Variants in MLF1 observed in about 807,000 individuals in gnomAD.
MLF1 encodes the protein myelodysplasia-myeloid leukemia factor 1.
In MLF1, 37 loss-of-function variants were observed where a neutral mutation model predicts 38.3. That is an observed-to-expected ratio of 0.96 (90% CI 0.74 to 1.27). The LOEUF (loss-of-function observed/expected upper bound fraction) is 1.27, where lower values mean the gene tolerates loss of function less well. Ranked by LOEUF, MLF1 falls within the 50% of genes most tolerant of loss-of-function variation. The pLI is 0.00. For synonymous variants in MLF1, 95 were observed against 106.5 expected (o/e 0.89, Z 0.66); for missense variants, 331 against 349.2 (o/e 0.95, Z 0.42).
chr3:158,590,065 T>G (rs1159402782), intron 1 of MLF1, among the ~76,000 whole-genome samples: 2 of 152,176 alleles, frequency 1.3e-5, no homozygotes, highest in Non-Finnish European at 2.9e-5. Context: ...GATTCATGGT[T>G]GTGTGGCTGA....
chr3:158,571,575 G>A (rs957217240), intron 1 of MLF1, among the ~76,000 whole-genome samples: 1 of 141,978 alleles, frequency 7.0e-6, no homozygotes, highest in African/African-American at 2.7e-5. Context: ...GTGGAGAGAG[G>A]AGGGTTTGGA....
intron 1 of MLF1, among the ~76,000 whole-genome samples, chr3:158,584,103 G>A (rs374776896): frequency 1.2e-4 from 19 of 152,156 alleles, no homozygotes; most frequent in African/African-American, 2.4e-4. Context: ...AAAACTGTTC[G>A]AAGACCTTTA....
intron 1 of MLF1, 31 bp from the exon 2 acceptor site, chr3:158,592,403 A>C: frequency 6.3e-7 from 1 of 1,575,104 alleles, no homozygotes; most frequent in African/African-American, 1.4e-5. Context: ...TCCAACACTG[A>C]ATCTTTCATG....
chr3:158,593,284 T>A (rs1718425227), intron 2 of MLF1, 98 bp from the exon 3 acceptor site: 9 of 886,592 alleles, frequency 1.0e-5, no homozygotes, highest in South Asian at 3.8e-5. Flanking sequence ...GCAATTGAAA[T>A]GTAGCAATTT....
intron 1 of MLF1, among the ~76,000 whole-genome samples, chr3:158,579,596 C>A (rs1716016927): frequency 6.6e-6 from 1 of 151,938 alleles, no homozygotes; most frequent in Non-Finnish European, 1.5e-5. Flanking sequence ...AAAGAAAAAC[C>A]CAGGCAAATT....
At chr3:158,595,678 C>A (rs1718779983) in intron 3 of MLF1, among the ~76,000 whole-genome samples, 1 of 151,940 alleles carries the variant, frequency 6.6e-6, no homozygotes, top group Admixed American at 6.6e-5. Context: ...CTAAATGTGC[C>A]TTTGTTGTTC....
At chr3:158,577,402 G>A (rs1169475349) in intron 1 of MLF1, among the ~76,000 whole-genome samples, 2 of 152,148 alleles carry the variant, frequency 1.3e-5, no homozygotes, top group Non-Finnish European at 2.9e-5. Context: ...TCATAGCTTG[G>A]CTCTAGTTAA....
intron 1 of MLF1, among the ~76,000 whole-genome samples, chr3:158,575,353 A>C (rs983203127): frequency 7.2e-5 from 11 of 152,306 alleles, no homozygotes; most frequent in Admixed American, 3.9e-4. Flanking sequence ...CCACCATATT[A>C]CAGTTAATTT....
chr3:158,584,810 G>A (rs1009492774), intron 1 of MLF1, among the ~76,000 whole-genome samples: 15 of 151,820 alleles, frequency 9.9e-5, no homozygotes, highest in Admixed American at 2.6e-4. Flanking sequence ...TGGGCCACAC[G>A]TAAAATACAC....
chr3:158,594,285 T>C (rs771780733), intron 3 of MLF1, among the ~76,000 whole-genome samples: 32 of 151,974 alleles, frequency 2.1e-4, no homozygotes, highest in Non-Finnish European at 3.8e-4. Context: ...ACTTTAAGGA[T>C]TAGTAGAAGT....
chr3:158,603,375 T>G (rs190375221), intron 7 of MLF1, among the ~76,000 whole-genome samples: 22 of 152,344 alleles, frequency 1.4e-4, no homozygotes, highest in African/African-American at 5.3e-4. Context: ...AATTTAGCAT[T>G]TAATAGTAAA....
chr3:158,586,453 G>A (rs1262112262), intron 1 of MLF1, among the ~76,000 whole-genome samples: 1 of 152,120 alleles, frequency 6.6e-6, no homozygotes, highest in Non-Finnish European at 1.5e-5. Context: ...GTTTAAGTTT[G>A]AGTGTGAAAT....
chr3:158,579,051 T>G (rs1715925673), intron 1 of MLF1, among the ~76,000 whole-genome samples: 1 of 152,172 alleles, frequency 6.6e-6, no homozygotes, highest in Non-Finnish European at 1.5e-5. Context: ...AGCATATTTC[T>G]CACATAAATC....
At chr3:158,600,267 TA>T in intron 6 of MLF1, 94 bp downstream of exon 6, 1 of 696,948 alleles carries the variant, frequency 1.4e-6, no homozygotes, top group Non-Finnish European at 2.1e-6. Context: ...TCATAAGATG[TA>T]GTTTTTGAAT....
At chr3:158,571,428 T>A (rs773629370) in intron 1 of MLF1, 81 bp downstream of exon 1, 1 of 1,546,426 alleles carries the variant, frequency 6.5e-7, no homozygotes, top group Non-Finnish European at 8.9e-7. Context: ...AAAGAGCGAG[T>A]TTTAGAGGGC....
At chr3:158,591,617 T>C (rs1718161445) in intron 1 of MLF1, among the ~76,000 whole-genome samples, 1 of 152,104 alleles carries the variant, frequency 6.6e-6, no homozygotes, top group Admixed American at 6.5e-5. Context: ...CAGGAAAGCA[T>C]AAGATTGCCT....
intron 7 of MLF1, among the ~76,000 whole-genome samples, chr3:158,603,898 T>A (rs1032532177): frequency 2.6e-5 from 4 of 152,188 alleles, no homozygotes; most frequent in African/African-American, 9.6e-5. Flanking sequence ...ACTCTGGAGC[T>A]ACAGTTTAAT....
intron 1 of MLF1, among the ~76,000 whole-genome samples, chr3:158,584,333 A>C (rs1475954566): frequency 6.6e-6 from 1 of 152,220 alleles, no homozygotes; most frequent in Non-Finnish European, 1.5e-5. Context: ...TGGAGATTTG[A>C]GCTACCACGC....
rs548326131 is a variant in MLF1 at position 158,600,127 on chromosome 3, G to A, written c.567G>A (p.Lys189=). The part of the protein sequence containing the change: ...AHVIKKSKNK[K]TGDEEVNQEF... ...TCATTAAAAAGTCAAAGAACAAGAA[G>A]ACTGGAGATGAAGAGGTCAACCAGG... Residue 189 remains lysine, a synonymous_variant, in exon 6 of 8, where the codon AAG becomes AAA. Transcript: ENST00000466246. 14 of 1,469,874 alleles carry A rather than the reference G, an allele frequency of 9.5e-6. No homozygotes were observed. In the South Asian group the frequency reaches 2.1e-4, roughly 22 times the overall value. 91.1% of individuals were successfully genotyped at this position (1,469,874 alleles called of 1,614,324 possible).
Sources: allele counts gnomAD v4.1 joint callset (sites outside exome capture counted in the v4.1 genomes callset), GRCh38; gene constraint gnomAD v4.1.1; transcripts MANE v1.5; gene names NCBI Gene and HGNC (gene_info 2026-07-23, HGNC 2026-07-21).